Variants in MID2 observed in about 807,000 individuals in gnomAD.
MID2 encodes the protein midline 2, also known as probable E3 ubiquitin-protein ligase MID2.
In MID2, 13 loss-of-function variants were observed where a neutral mutation model predicts 46.1. The observed-to-expected ratio is 0.28, with a 90% confidence interval of 0.18 to 0.45. The LOEUF (loss-of-function observed/expected upper bound fraction) is 0.45, where lower values mean the gene tolerates loss of function less well. Ranked by LOEUF, MID2 falls within the 20% of genes least tolerant of loss-of-function variation. The probability of loss-of-function intolerance (pLI) is 1.00; values close to 1 mark genes in which losing one functional copy is unlikely to be tolerated. For missense variants in MID2, 431 were observed against 575.4 expected (o/e 0.75, Z 2.57); for synonymous variants, 199 against 212.3 (o/e 0.94, Z 0.55).
At chrX:107,841,502 C>A in intron 2 of MID2, 117 bp downstream of exon 2, 1 of 517,949 alleles carries the variant, frequency 1.9e-6, no homozygotes, top group African/African-American at 2.3e-5. Context: ...TTAAGTTGTT[C>A]TCATGAGGAA....
chrX:107,930,331 A>G lies in MID2; in HGVS notation c.*3258A>G, dbSNP rs1933260891. Among the ~76,000 whole-genome samples the G allele has an allele frequency of 8.9e-6, 1 of 112,043 alleles. No individual in the cohort carries two copies. The highest frequency in any genetic ancestry group is 9.5e-5 in the Admixed American group (1 of 10,570). On this transcript the variant is annotated 3_prime_UTR_variant, in exon 10 of 10. Coordinates refer to ENST00000262843, the MANE Select transcript of MID2 (RefSeq NM_012216.4). ...AGATATCAAGGCTCCTACATAATAA[A>G]TGATCATTGTCCTCCTCAAAAACTC...
chrX:107,913,965 AACAC>A (rs951746209), intron 5 of MID2, among the ~76,000 whole-genome samples: 3 of 112,256 alleles, frequency 2.7e-5, no homozygotes, highest in African/African-American at 9.7e-5. Context: ...AACAAGAGAG[AACAC>A]ACACACATCC....
intron 3 of MID2, among the ~76,000 whole-genome samples, chrX:107,887,109 C>G (rs1197336879): frequency 9.0e-6 from 1 of 111,182 alleles, no homozygotes; most frequent in African/African-American, 3.3e-5. Context: ...ATTGAATACC[C>G]TTTATTTCCT....
At chrX:107,841,652 C>T (rs1246114489) in intron 2 of MID2, among the ~76,000 whole-genome samples, 1 of 112,478 alleles carries the variant, frequency 8.9e-6, no homozygotes, top group African/African-American at 3.2e-5. Context: ...GGAAACACAC[C>T]CTCTATCTTC....
In MID2 at chrX:107,851,552, A is replaced by G. The variant is rs73636325; in HGVS notation, c.721-3057A>G. On this transcript the variant is annotated intron_variant, in intron 2 of 9. Coordinates refer to ENST00000262843, the MANE Select transcript of MID2 (RefSeq NM_012216.4). ...CCCATCCCCTGCCCTGGGCTTTCCTATTTCAGTCTGCCCCACATTTTGCTG... is the reference window on the plus strand; with the variant it reads ...CCCATCCCCTGCCCTGGGCTTTCCTGTTTCAGTCTGCCCCACATTTTGCTG... Among the ~76,000 whole-genome samples the G allele has an allele frequency of 3.5e-3, 386 of 110,222 alleles. 1 individual carries two copies. The highest frequency in any genetic ancestry group is 0.012 in the African/African-American group (365 of 30,281).
chrX:107,870,492 C>A (rs1467911182), intron 3 of MID2, among the ~76,000 whole-genome samples: 1 of 111,486 alleles, frequency 9.0e-6, no homozygotes, highest in Non-Finnish European at 1.9e-5. Context: ...CCCTTCCAAT[C>A]TGGTCTAAAG....
intron 3 of MID2, among the ~76,000 whole-genome samples, chrX:107,862,412 G>A (rs1931879184): frequency 9.0e-6 from 1 of 111,709 alleles, no homozygotes. Flanking sequence ...AAGAGGGAGT[G>A]GTAATGAAAT....
rs761216078 is a variant in MID2 at position 107,910,838 on chromosome X, C to CTTTCCTTTCCT, written c.1074-5164_1074-5163insTTTCCTTTCCT. On this transcript the variant is annotated intron_variant, in intron 5 of 9. Coordinates refer to ENST00000262843, the MANE Select transcript of MID2 (RefSeq NM_012216.4). ...CTTTCCTTTCCTTTCCTTTCCTTTC[C>CTTTCCTTTCCT]CTCTCTCTTTCTCCCTCTCTCTCTC... Among the ~76,000 whole-genome samples the CTTTCCTTTCCT allele has an allele frequency of 1.2e-3, 50 of 42,063 alleles. 17 individuals carry two copies. The African/African-American group carries it at 0.02, about 17-fold the overall frequency. 36.5% of individuals were successfully genotyped at this position (42,063 alleles called of 115,157 possible).
At chrX:107,896,656 A>G (rs1001829491) in intron 3 of MID2, among the ~76,000 whole-genome samples, 2 of 112,746 alleles carry the variant, frequency 1.8e-5, no homozygotes, top group African/African-American at 6.4e-5. Flanking sequence ...AATATGTTGT[A>G]TTATGCATTT....
At chrX:107,884,128 G>A (rs760464359) in intron 3 of MID2, among the ~76,000 whole-genome samples, 1 of 111,728 alleles carries the variant, frequency 9.0e-6, no homozygotes, top group South Asian at 3.7e-4. Flanking sequence ...CAAATCTACC[G>A]CAAATAACCA....
Position 107,825,899 on chromosome X carries a change from C to T in MID2, c.-528C>T, listed in dbSNP as rs1325083558. The T allele has an allele frequency of 3.8e-6, 1 of 262,704 alleles. No individual in the cohort carries two copies. Among genetic ancestry groups the T allele is most frequent in the Non-Finnish European group, 6.7e-6 (1 of 149,294 alleles). The allele number at this position is 262,704 out of a possible 1,213,427, so 21.6% of individuals were successfully genotyped here. On this transcript the variant is annotated 5_prime_UTR_variant, in exon 1 of 10. Transcript: ENST00000262843. The stretch of plus-strand genomic sequence containing the variant: ...CAGGGGAGAAGACATGTAAACGTGC[C>T]TCCAGAGGAAGGGCTGGGGGAGCTG...
At position 107,924,490 on chromosome X, in the gene MID2, G is replaced by T. The variant is rs746818060; in HGVS notation, c.1583G>T (p.Arg528Leu). The change falls in exon 8 of 10, where the codon CGA (arginine) becomes CTA (leucine). Residue 528 changes from arginine to leucine, a missense_variant. Transcript: ENST00000262843. ...GGCAGCCGGAACAGTGAACCTACCCGACTAAAAACAAACAGTACGTTGTGG... is the reference window on the plus strand; with the variant it reads ...GGCAGCCGGAACAGTGAACCTACCCTACTAAAAACAAACAGTACGTTGTGG... ...QAGSRNSEPTRLKTNSQPFKL... is the reference protein window; with the variant it reads ...QAGSRNSEPTLLKTNSQPFKL... The T allele has an allele frequency of 2.5e-6, 3 of 1,211,098 alleles. No individual in the cohort carries two copies. In the South Asian group the frequency reaches 5.3e-5, roughly 21 times the overall value.
chrX:107,900,343 T>C (rs767632605), intron 3 of MID2, among the ~76,000 whole-genome samples: 9 of 111,967 alleles, frequency 8.0e-5, no homozygotes, highest in Non-Finnish European at 1.5e-4. Context: ...GTACCAGTTA[T>C]AATGGGAGAG....
rs758851466 is a variant in MID2 at position 107,930,466 on chromosome X, T to C, written c.*3393T>C. Among the ~76,000 whole-genome samples, 2 of 112,070 alleles carry C rather than the reference T, an allele frequency of 1.8e-5. No homozygotes were observed. Among genetic ancestry groups the C allele is most frequent in the Non-Finnish European group, 3.8e-5 (2 of 53,126 alleles). On this transcript the variant is annotated 3_prime_UTR_variant, in exon 10 of 10. Transcript: ENST00000262843. ...TTTGAAGGTGGATTTACATTTCGGT[T>C]ATAGCCAAAAATCACTCAAAGCTAA...
At chrX:107,893,628 T>A (rs1384426065) in intron 3 of MID2, among the ~76,000 whole-genome samples, 1 of 112,461 alleles carries the variant, frequency 8.9e-6, no homozygotes, top group African/African-American at 3.2e-5. Context: ...CAAGTCCTTT[T>A]AAGCAGAATA....
chrX:107,843,432 T>C (rs1245709517), intron 2 of MID2, among the ~76,000 whole-genome samples: 1 of 112,628 alleles, frequency 8.9e-6, no homozygotes, highest in African/African-American at 3.2e-5. Flanking sequence ...TACCAAGATA[T>C]ATTTTAGTCT....
intron 3 of MID2, among the ~76,000 whole-genome samples, chrX:107,884,710 C>A (rs1932408475): frequency 9.1e-6 from 1 of 109,493 alleles, no homozygotes; most frequent in African/African-American, 3.2e-5. Flanking sequence ...AAAACAAAAA[C>A]AGGGCAGATT....
Position 107,917,758 on chromosome X carries a change from T to C in MID2, c.1435+19T>C. 1 of 1,187,379 alleles carries C rather than the reference T, an allele frequency of 8.4e-7. No individual in the cohort carries two copies. Among genetic ancestry groups the C allele is most frequent in the Non-Finnish European group, 1.1e-6 (1 of 873,904 alleles). ...CCACGAGGCAAGTGTTTGTAAGACA[T>C]GTTAGGTTGTTTAGTATAGTGTTTC... On this transcript the variant is annotated intron_variant, in intron 7 of 9. Transcript: ENST00000262843.
At chrX:107,880,872 G>T (rs1336210659) in intron 3 of MID2, among the ~76,000 whole-genome samples, 1 of 112,689 alleles carries the variant, frequency 8.9e-6, no homozygotes, top group Non-Finnish European at 1.9e-5. Context: ...CAGCTTGAAG[G>T]CCAAAGGCTA....
Sources: allele counts gnomAD v4.1 joint callset (sites outside exome capture counted in the v4.1 genomes callset), GRCh38; gene constraint gnomAD v4.1.1; transcripts MANE v1.5; gene names NCBI Gene and HGNC (gene_info 2026-07-23, HGNC 2026-07-21).